The following FAM168A variants were observed in gnomAD, a reference collection of about 807,000 sequenced individuals.
FAM168A encodes family with sequence similarity 168 member A.
A neutral mutation model predicts 28.5 loss-of-function variants in FAM168A; 3 were observed. The observed-to-expected ratio is 0.11, with a 90% CI of 0.05 to 0.27. FAM168A has a LOEUF of 0.27. Among genes scored for constraint, FAM168A ranks in the 10% least tolerant of loss-of-function variants. The pLI is 1.00. For synonymous variants in FAM168A, 122 were observed against 124.2 expected (o/e 0.98, Z 0.12); for missense variants, 222 against 311.5 (o/e 0.71, Z 2.16).
chr11:73,431,353 A>G (rs964958896), intron 2 of FAM168A, among the ~76,000 whole-genome samples: 1 of 78,964 alleles, frequency 1.3e-5, no homozygotes, highest in Admixed American at 1.4e-4. Context: ...TGCCCCCCAC[A>G]CCCCCCCGCC....
intron 1 of FAM168A, among the ~76,000 whole-genome samples, chr11:73,550,689 T>C (rs115815783): frequency 0.013 from 2,030 of 151,518 alleles, 45 homozygotes; most frequent in African/African-American, 0.045. Context: ...TAAATAAATA[T>C]TTTTTTAAAA....
chr11:73,589,677 C>T (rs1944359867), intron 1 of FAM168A, among the ~76,000 whole-genome samples: 1 of 152,140 alleles, frequency 6.6e-6, no homozygotes, highest in African/African-American at 2.4e-5. Flanking sequence ...GCCTGTAATC[C>T]CAACACTTTG....
At chr11:73,436,670 A>C (rs1867092242) in intron 2 of FAM168A, among the ~76,000 whole-genome samples, 1 of 152,212 alleles carries the variant, frequency 6.6e-6, no homozygotes, top group Admixed American at 6.5e-5. Context: ...ATATATTACT[A>C]GTTCCATTTT....
chr11:73,534,292 G>C (rs1287720686), intron 1 of FAM168A, among the ~76,000 whole-genome samples: 2 of 152,108 alleles, frequency 1.3e-5, no homozygotes, highest in Non-Finnish European at 2.9e-5. Flanking sequence ...TGAATACTAA[G>C]TCAGCAGTGG....
At chr11:73,571,644 T>C (rs1944091494) in intron 1 of FAM168A, among the ~76,000 whole-genome samples, 1 of 152,116 alleles carries the variant, frequency 6.6e-6, no homozygotes. Flanking sequence ...AGTGCAGAGA[T>C]TGCAGCCTCT....
At chr11:73,492,178 T>A (rs1213869300) in intron 1 of FAM168A, among the ~76,000 whole-genome samples, 2 of 152,124 alleles carry the variant, frequency 1.3e-5, no homozygotes, top group African/African-American at 4.8e-5. Flanking sequence ...CATCATGTCA[T>A]AAGGTTCACC....
chr11:73,473,364 A>G (rs567228181), intron 1 of FAM168A, among the ~76,000 whole-genome samples: 1 of 152,268 alleles, frequency 6.6e-6, no homozygotes, highest in East Asian at 1.9e-4. Context: ...CTGGAACAGT[A>G]GGCCTCAAAC....
At chr11:73,579,524 GGAA>G (rs1250030379) in intron 1 of FAM168A, among the ~76,000 whole-genome samples, 1 of 152,070 alleles carries the variant, frequency 6.6e-6, no homozygotes, top group East Asian at 1.9e-4. Context: ...AGGAATAACT[GGAA>G]GAAGGAGGTA....
At chr11:73,481,076 T>A (rs1285076327) in intron 1 of FAM168A, among the ~76,000 whole-genome samples, 1 of 143,516 alleles carries the variant, frequency 7.0e-6, no homozygotes, top group African/African-American at 3.0e-5. Context: ...TATCCCTCAG[T>A]CTGGATAATT....
At chr11:73,571,696 C>T (rs1289758760) in intron 1 of FAM168A, among the ~76,000 whole-genome samples, 1 of 152,022 alleles carries the variant, frequency 6.6e-6, no homozygotes, top group Non-Finnish European at 1.5e-5. Flanking sequence ...GCGTCTCTGC[C>T]TGGCCGCCCA....
At chr11:73,473,604 G>T (rs951646206) in intron 1 of FAM168A, among the ~76,000 whole-genome samples, 1 of 152,106 alleles carries the variant, frequency 6.6e-6, no homozygotes, top group African/African-American at 2.4e-5. Flanking sequence ...GTTGTTCCCT[G>T]AAGACACCAT....
rs575383034 is a variant in FAM168A, at chr11:73,433,058, C to T, written c.71-2288G>A. Among the ~76,000 whole-genome samples, 38 of 135,652 alleles carry T rather than the reference C, an allele frequency of 2.8e-4. No individual in the cohort carries two copies. In the South Asian group the frequency reaches 5.8e-3, roughly 21 times the overall value. The allele number at this position is 135,652 out of a possible 152,430, so 89.0% of individuals were successfully genotyped here. A position where few individuals can be genotyped will look rare whatever the true frequency, so the allele number is the denominator to read the frequency against. ...TCCTGAATAGCTAGGCCTACAGGTGCGTGCCACCACGCCCCGCCTTTTTTT... is the reference window on the plus strand; with the variant it reads ...TCCTGAATAGCTAGGCCTACAGGTGTGTGCCACCACGCCCCGCCTTTTTTT... On this transcript the variant is annotated intron_variant, in intron 2 of 7. Transcript: ENST00000356467.
intron 2 of FAM168A, among the ~76,000 whole-genome samples, chr11:73,437,306 C>T (rs1867106590): frequency 6.6e-6 from 1 of 151,560 alleles, no homozygotes; most frequent in Non-Finnish European, 1.5e-5. Context: ...TCATGTTGGC[C>T]AAGCTGGTAT....
chr11:73,581,391 G>A (rs979393946), intron 1 of FAM168A, among the ~76,000 whole-genome samples: 1 of 152,202 alleles, frequency 6.6e-6, no homozygotes, highest in Non-Finnish European at 1.5e-5. Flanking sequence ...CAGAATACTT[G>A]TATATCACAT....
At chr11:73,424,384 G>A (rs935149289) in intron 3 of FAM168A, among the ~76,000 whole-genome samples, 5 of 152,166 alleles carry the variant, frequency 3.3e-5, no homozygotes, top group African/African-American at 1.2e-4. Context: ...ACCTAGTCAA[G>A]TTATACTGTT....
rs537349830 is a variant in FAM168A, at chr11:73,553,231, C to T, written c.-19+44692G>A. Among the ~76,000 whole-genome samples the T allele has an allele frequency of 3.3e-5, 5 of 151,840 alleles. No homozygotes were observed. The East Asian group carries it at 7.7e-4, about 24-fold the overall frequency. On this transcript the variant is annotated intron_variant, in intron 1 of 7. Transcript: ENST00000356467. ...AAACTAATTCTAGATTTTTTTTCAACGAGACCTTAATCCCTCCCACATTTT... is the reference window on the plus strand; with the variant it reads ...AAACTAATTCTAGATTTTTTTTCAATGAGACCTTAATCCCTCCCACATTTT...
At chr11:73,460,995 T>G (rs1867636981) in intron 2 of FAM168A, among the ~76,000 whole-genome samples, 1 of 152,250 alleles carries the variant, frequency 6.6e-6, no homozygotes, top group Non-Finnish European at 1.5e-5. Context: ...GTCTGGGTTC[T>G]ACTTCCAGGT....
intron 1 of FAM168A, 143 bp downstream of exon 1, chr11:73,597,780 C>G (rs1944454333): frequency 6.6e-6 from 1 of 151,604 alleles, no homozygotes; most frequent in Non-Finnish European, 1.5e-5. Flanking sequence ...CAAGTCTCCC[C>G]CGCCAGCCCG....
At chr11:73,445,285 C>T (rs1189302469) in intron 2 of FAM168A, among the ~76,000 whole-genome samples, 4 of 151,564 alleles carry the variant, frequency 2.6e-5, no homozygotes, top group Non-Finnish European at 5.9e-5. Context: ...ATTATATTAT[C>T]GGTCGGACAT....
Sources: gnomAD v4.1 joint callset for allele counts (sites outside exome capture counted in the v4.1 genomes callset) on GRCh38, gnomAD v4.1.1 for gene constraint, MANE v1.5 for transcripts, NCBI Gene and HGNC (gene_info 2026-07-23, HGNC 2026-07-21) for gene names.